The following AVEN variants were observed in gnomAD, a reference collection of about 807,000 sequenced individuals.
AVEN encodes the protein apoptosis and caspase activation inhibitor.
AVEN carries 41 observed loss-of-function variants against 38.1 expected under a neutral mutation model. The observed-to-expected ratio is 1.08, with a 90% CI of 0.84 to 1.40. The LOEUF (loss-of-function observed/expected upper bound fraction) is 1.40, where lower values mean the gene tolerates loss of function less well. AVEN is among the 40% of genes most tolerant of loss of function. AVEN has a pLI of 0.00. For missense variants in AVEN, 605 were observed against 438.8 expected (o/e 1.38, Z -3.38); for synonymous variants, 206 against 171.8 (o/e 1.20, Z -1.56).
At chr15:34,004,457 ATTTG>A (rs1007673059) in intron 1 of AVEN, among the ~76,000 whole-genome samples, 4 of 152,224 alleles carry the variant, frequency 2.6e-5, no homozygotes, top group African/African-American at 9.7e-5. Flanking sequence ...TAGGGAACTT[ATTTG>A]TACTGATTTG....
At chr15:34,006,097 G>C (rs1897326461) in intron 1 of AVEN, among the ~76,000 whole-genome samples, 1 of 152,184 alleles carries the variant, frequency 6.6e-6, no homozygotes, top group Admixed American at 6.5e-5. Context: ...AGATCACAAG[G>C]TGAGGAGATC....
At position 33,995,142 on chromosome 15, in the gene AVEN, T is replaced by C. The variant is rs142503231; in HGVS notation, c.445+7890A>G. On this transcript the variant is annotated intron_variant, in intron 2 of 5. Transcript: ENST00000306730. ...GCCAGGTGTGGGTGGCACACCTCTA[T>C]AGTCCCACCTACTCAGGAGGCTGGG... Among the ~76,000 whole-genome samples the C allele has an allele frequency of 8.4e-4, 128 of 152,170 alleles. 1 individual carries two copies. The highest frequency in any genetic ancestry group is 2.9e-3 in the African/African-American group (120 of 41,516).
intron 1 of AVEN, among the ~76,000 whole-genome samples, chr15:34,073,418 A>G (rs1333867174): frequency 6.7e-6 from 1 of 148,882 alleles, no homozygotes; most frequent in East Asian, 2.0e-4. Flanking sequence ...TCATGCTCAT[A>G]TCTTGCAGAA....
intron 1 of AVEN, among the ~76,000 whole-genome samples, chr15:34,017,484 GTT>G (rs60119659): frequency 5.6e-5 from 6 of 107,364 alleles, no homozygotes; most frequent in African/African-American, 1.6e-4. Context: ...TTTTTTTTTT[GTT>G]TTTTTTTTTT....
intron 11 of AVEN, chr15:33,859,557 CT>C: frequency 6.2e-7 from 1 of 1,613,400 alleles, no homozygotes; most frequent in Non-Finnish European, 8.5e-7. Context: ...CTAAATCCCC[CT>C]TATTTTTCTT....
intron 2 of AVEN, among the ~76,000 whole-genome samples, chr15:33,932,368 C>A (rs1893880950): frequency 6.6e-6 from 1 of 152,078 alleles, no homozygotes; most frequent in Non-Finnish European, 1.5e-5. Flanking sequence ...GTGGACAGTG[C>A]CATGAAGACA....
chr15:33,880,211 T>C (rs1410945499), intron 2 of AVEN, among the ~76,000 whole-genome samples: 1 of 151,982 alleles, frequency 6.6e-6, no homozygotes, highest in Non-Finnish European at 1.5e-5. Context: ...ACCTGAAAAG[T>C]CTTATCTGAA....
At chr15:34,021,086 T>C (rs1456794890) in intron 1 of AVEN, among the ~76,000 whole-genome samples, 1 of 152,222 alleles carries the variant, frequency 6.6e-6, no homozygotes, top group East Asian at 1.9e-4. Context: ...CTTTTGAATT[T>C]ATTCTCCTTT....
chr15:33,906,727 G>A lies in AVEN; in HGVS notation c.446-30732C>T, dbSNP rs573391517. ...TAACATGGTGGTTGCCAGGGGTGGT[G>A]GAGAGAAGACAATGGCAAGTTATTG... On this transcript the variant is annotated intron_variant, in intron 2 of 5. Coordinates refer to ENST00000306730, the MANE Select transcript of AVEN (RefSeq NM_020371.3). Among the ~76,000 whole-genome samples the A allele has an allele frequency of 3.9e-5, 6 of 152,224 alleles. No homozygotes were observed. In the South Asian group the frequency reaches 1.0e-3, roughly 26 times the overall value.
chr15:33,931,177 G>C (rs1474889378), intron 2 of AVEN, among the ~76,000 whole-genome samples: 1 of 151,818 alleles, frequency 6.6e-6, no homozygotes, highest in Non-Finnish European at 1.5e-5. Context: ...TAGAAACCAT[G>C]CTCCCTTGTT....
chr15:33,939,391 C>T (rs567861277), intron 2 of AVEN, among the ~76,000 whole-genome samples: 3 of 152,312 alleles, frequency 2.0e-5, no homozygotes, highest in African/African-American at 7.2e-5. Flanking sequence ...TTGTTACTTA[C>T]GGAGTAACAC....
intron 1 of AVEN, among the ~76,000 whole-genome samples, chr15:34,025,094 C>A (rs907369437): frequency 6.6e-6 from 1 of 151,740 alleles, no homozygotes; most frequent in Non-Finnish European, 1.5e-5. Context: ...CGTTTGAGCC[C>A]GGGAGGCAGA....
intron 3 of AVEN, among the ~76,000 whole-genome samples, chr15:33,875,692 C>T (rs893943087): frequency 2.6e-5 from 4 of 152,132 alleles, no homozygotes; most frequent in Non-Finnish European, 5.9e-5. Flanking sequence ...CTCGAGACCC[C>T]GTCCATGTGG....
intron 4 of AVEN, among the ~76,000 whole-genome samples, chr15:33,869,977 G>C (rs960367271): frequency 6.6e-6 from 1 of 152,074 alleles, no homozygotes; most frequent in African/African-American, 2.4e-5. Flanking sequence ...ATAAAGTTCA[G>C]CATTCAGTTG....
the AVEN span, chr15:33,852,934 G>C: frequency 3.4e-4 from 310 of 907,238 alleles, no homozygotes; most frequent in African/African-American, 4.3e-3. Context: ...TTGGTGAGCA[G>C]GACACAAACC....
intron 2 of AVEN, among the ~76,000 whole-genome samples, chr15:33,891,362 C>G (rs902391319): frequency 6.6e-6 from 1 of 152,122 alleles, no homozygotes; most frequent in Non-Finnish European, 1.5e-5. Flanking sequence ...AGGTATTTCT[C>G]CTAATGCTAT....
intron 2 of AVEN, chr15:34,067,336 C>T (rs1231677670): frequency 6.6e-6 from 1 of 152,186 alleles, no homozygotes. Context: ...GTACCCAAAC[C>T]TCTGGATTAG....
intron 2 of AVEN, among the ~76,000 whole-genome samples, chr15:33,916,115 T>C (rs1221609917): frequency 2.0e-5 from 3 of 152,106 alleles, no homozygotes; most frequent in Non-Finnish European, 4.4e-5. Context: ...ACAAAGGACA[T>C]AATCTCCTGG....
At chr15:33,941,179 A>G (rs1422569026) in intron 2 of AVEN, among the ~76,000 whole-genome samples, 11 of 152,186 alleles carry the variant, frequency 7.2e-5, no homozygotes, top group Admixed American at 7.2e-4. Context: ...TTCTTCACAG[A>G]ATGTTTACTA....
Sources: allele counts gnomAD v4.1 joint callset (sites outside exome capture counted in the v4.1 genomes callset), GRCh38; gene constraint gnomAD v4.1.1; transcripts MANE v1.5; gene names NCBI Gene and HGNC (gene_info 2026-07-23, HGNC 2026-07-21).